The following CSMD1 variants were observed in gnomAD, a reference collection of about 807,000 sequenced individuals.
CSMD1 encodes the protein CUB and Sushi multiple domains 1, also known as CUB and sushi domain-containing protein 1.
CSMD1 carries 213 observed loss-of-function variants against 417.5 expected under a neutral mutation model. The observed-to-expected ratio is 0.51, with a 90% CI of 0.46 to 0.57. CSMD1 has a LOEUF of 0.57. CSMD1 is among the 20% of genes least tolerant of loss of function. The probability of loss-of-function intolerance (pLI) is 0.00; values close to 1 mark genes in which losing one functional copy is unlikely to be tolerated. For missense variants in CSMD1, 6,923 were observed against 4,529.7 expected, an observed-to-expected ratio of 1.53 and a Z score of -15.17; for synonymous variants, 2,862 against 1,736.8, an observed-to-expected ratio of 1.65 and a Z score of -16.11.
chr8:4,304,921 T>C (rs1251584040), intron 3 of CSMD1, among the ~76,000 whole-genome samples: 2 of 152,132 alleles, frequency 1.3e-5, no homozygotes, highest in African/African-American at 4.8e-5. Context: ...AACGATGAGA[T>C]GATGAACAAG....
At chr8:4,382,474 C>T (rs527718349) in intron 3 of CSMD1, among the ~76,000 whole-genome samples, 51 of 152,026 alleles carry the variant, frequency 3.4e-4, no homozygotes, top group Non-Finnish European at 6.2e-4. Context: ...ACCATTAACT[C>T]TACATTCCAA....
chr8:4,873,730 G>A (rs1478850076), intron 1 of CSMD1, among the ~76,000 whole-genome samples: 1 of 152,098 alleles, frequency 6.6e-6, no homozygotes, highest in Non-Finnish European at 1.5e-5. Flanking sequence ...GCTTCAAGGA[G>A]CTCAAAGCCT....
At chr8:3,692,591 C>T (rs1203105856) in intron 7 of CSMD1, among the ~76,000 whole-genome samples, 1 of 152,066 alleles carries the variant, frequency 6.6e-6, no homozygotes, top group Non-Finnish European at 1.5e-5. Flanking sequence ...TGTCACCACA[C>T]ACAGCTAATT....
At chr8:2,986,090 C>T (rs1366701632) in intron 54 of CSMD1, among the ~76,000 whole-genome samples, 1 of 151,748 alleles carries the variant, frequency 6.6e-6, no homozygotes, top group Non-Finnish European at 1.5e-5. Context: ...GGACTGATAA[C>T]CAGGTTACAG....
At chr8:4,462,570 A>G (rs893913910) in intron 2 of CSMD1, among the ~76,000 whole-genome samples, 1 of 152,170 alleles carries the variant, frequency 6.6e-6, no homozygotes, top group Non-Finnish European at 1.5e-5. Context: ...TTCAATATTC[A>G]TACCTACCTG....
At chr8:3,587,894 C>T (rs762887057) in intron 8 of CSMD1, among the ~76,000 whole-genome samples, 10 of 151,804 alleles carry the variant, frequency 6.6e-5, no homozygotes, top group African/African-American at 1.5e-4. Context: ...TTGAGAAACC[C>T]GGCATCATAA....
At chr8:3,452,296 A>G (rs941962498) in intron 12 of CSMD1, among the ~76,000 whole-genome samples, 9 of 152,176 alleles carry the variant, frequency 5.9e-5, no homozygotes, top group Non-Finnish European at 1.3e-4. Context: ...TTCCTAATTG[A>G]ATACCCTTTA....
chr8:4,213,702 G>A (rs1714713), intron 3 of CSMD1, among the ~76,000 whole-genome samples: 4 of 152,224 alleles, frequency 2.6e-5, no homozygotes, highest in African/African-American at 9.7e-5. Context: ...GTGGGAAGCC[G>A]TGGGCTCCTG....
chr8:4,416,955 T>C (rs1796975495), intron 3 of CSMD1, among the ~76,000 whole-genome samples: 1 of 152,034 alleles, frequency 6.6e-6, no homozygotes, highest in African/African-American at 2.4e-5. Flanking sequence ...TCCTAATAGT[T>C]TCTGTTATTA....
chr8:3,872,295 G>C (rs915588845), intron 5 of CSMD1, among the ~76,000 whole-genome samples: 1 of 152,178 alleles, frequency 6.6e-6, no homozygotes, highest in Non-Finnish European at 1.5e-5. Context: ...GGGTCACCCT[G>C]TAAGTGCCAT....
At chr8:4,638,693 G>T (rs991257601) in intron 1 of CSMD1, among the ~76,000 whole-genome samples, 2 of 152,118 alleles carry the variant, frequency 1.3e-5, no homozygotes, top group Non-Finnish European at 2.9e-5. Context: ...GACATCTCAC[G>T]TTTTACTCAG....
chr8:3,940,027 T>C (rs989840607), intron 5 of CSMD1, among the ~76,000 whole-genome samples: 2 of 152,096 alleles, frequency 1.3e-5, no homozygotes, highest in Non-Finnish European at 2.9e-5. Context: ...AATAAATCCA[T>C]GTTTTAAACA....
chr8:3,458,577 G>A (rs7007801), intron 12 of CSMD1, among the ~76,000 whole-genome samples: 117,673 of 152,166 alleles, frequency 0.77, 45,937 homozygotes, highest in African/African-American at 0.89. Flanking sequence ...TATCGTTTCA[G>A]TAAAATCCTA....
chr8:4,252,887 G>A (rs1165601042), intron 3 of CSMD1, among the ~76,000 whole-genome samples: 2 of 152,190 alleles, frequency 1.3e-5, no homozygotes, highest in East Asian at 3.9e-4. Context: ...GAGAATTTCA[G>A]GTGCCTTGTT....
At chr8:4,083,997 G>GA (rs1800285272) in intron 3 of CSMD1, among the ~76,000 whole-genome samples, 1 of 151,658 alleles carries the variant, frequency 6.6e-6, no homozygotes, top group African/African-American at 2.4e-5. Context: ...AAATTTACAA[G>GA]AAAAAAACAA....
At chr8:4,298,014 C>G (rs1797777281) in intron 3 of CSMD1, among the ~76,000 whole-genome samples, 1 of 152,108 alleles carries the variant, frequency 6.6e-6, no homozygotes, top group African/African-American at 2.4e-5. Context: ...GCTTGTTTCC[C>G]TTCAATAAAT....
intron 4 of CSMD1, among the ~76,000 whole-genome samples, chr8:4,000,911 A>C (rs145725708): frequency 1.1e-3 from 174 of 152,270 alleles, no homozygotes; most frequent in African/African-American, 4.0e-3. Flanking sequence ...AAATTATCAA[A>C]GTCCACGTTA....
chr8:4,678,244 CT>C (rs1805820914), intron 1 of CSMD1, among the ~76,000 whole-genome samples: 1 of 151,828 alleles, frequency 6.6e-6, no homozygotes, highest in Non-Finnish European at 1.5e-5. Context: ...AACCCTGTCT[CT>C]AATGAAAATA....
Position 4,096,209 on chromosome 8 carries a change from C to T in CSMD1, c.416-64110G>A, listed in dbSNP as rs973369921. 2.0e-5 allele frequency among the ~76,000 whole-genome samples: 3 copies of T among 152,080 alleles called. No individual in the cohort carries two copies. The East Asian group carries it at 5.8e-4, about 29-fold the overall frequency. On this transcript the variant is annotated intron_variant, in intron 3 of 69. Transcript: ENST00000635120. ...AAAATGGAACCACTGAGATGAAACT[C>T]TTAATAATTATAATAATAATAAAAA... is the stretch of plus-strand genomic sequence containing the variant.
Sources: allele counts gnomAD v4.1 joint callset (sites outside exome capture counted in the v4.1 genomes callset), GRCh38; gene constraint gnomAD v4.1.1; transcripts MANE v1.5; gene names NCBI Gene and HGNC (gene_info 2026-07-23, HGNC 2026-07-21).